Variants in RNF213 observed in about 807,000 individuals in gnomAD.
RNF213 encodes E3 ubiquitin-protein ligase RNF213.
RNF213 carries 341 observed loss-of-function variants against 514.4 expected under a neutral mutation model. The observed-to-expected ratio is 0.66, with a 90% CI of 0.61 to 0.73. RNF213 has a LOEUF of 0.73. Ranked by LOEUF, RNF213 falls within the 30% of genes least tolerant of loss-of-function variation. RNF213 has a pLI of 0.00. For missense variants in RNF213, 5,767 were observed against 6,615.6 expected (o/e 0.87, Z 4.45); for synonymous variants, 2,655 against 2,658.2 (o/e 1.00, Z 0.04).
chr17:80,389,914 C>G lies in RNF213; in HGVS notation c.15282C>G (p.His5094Gln). ...AGTCTGAACAGCTGCTGCGGCTGCACAAAGTAAGTCTGGTCTCTTCCTCTC... is the reference window on the plus strand; with the variant it reads ...AGTCTGAACAGCTGCTGCGGCTGCAGAAAGTAAGTCTGGTCTCTTCCTCTC... The part of the protein sequence containing the change: ...AHKSEQLLRL[H>Q]KEPFGEISSR... Residue 5094 changes from histidine (H) to glutamine (Q), a missense_variant, in exon 66 of 68, where the codon CAC becomes CAG. This residue lies in a region of RNF213 where 1,245 missense variants were observed against 1,339.0 expected (regional missense o/e 0.93). Transcript: ENST00000582970. 6.2e-7 allele frequency: 1 copy of G among 1,614,180 alleles called. No homozygotes were observed. The highest frequency in any genetic ancestry group is 8.5e-7 in the Non-Finnish European group (1 of 1,180,002).
chr17:80,382,933 G>C, intron 57 of RNF213, 46 bp from the exon 58 acceptor site: 1 of 1,212,558 alleles, frequency 8.2e-7, no homozygotes, highest in Non-Finnish European at 1.2e-6. Context: ...AGACTGCTGT[G>C]TTCTTTGTGC....
rs1284741249 is a variant in RNF213 at position 80,337,987 on chromosome 17, G to C, written c.4823G>C (p.Arg1608Thr). 1 of 1,537,306 alleles carries C rather than the reference G, an allele frequency of 6.5e-7. No individual in the cohort carries two copies. Among genetic ancestry groups the C allele is most frequent in the Non-Finnish European group, 8.7e-7 (1 of 1,146,920 alleles). Residue 1608 changes from arginine to threonine, a missense_variant, in exon 25 of 68, where the codon AGG becomes ACG. Transcript: ENST00000582970. ...GATCGTAACAACACGGAAGTGGAGA[G>C]GTTTTCAGAGGTGAGGGCGCATCTT... is the stretch of plus-strand genomic sequence containing the variant. ...KKDRNNTEVE[R>T]FSEVFCSVQR...
At position 80,264,231 on chromosome 17, in the gene RNF213, TAG is replaced by T. The variant is rs2043529891; in HGVS notation, c.97+458_97+459del. The stretch of plus-strand genomic sequence containing the variant: ...GTGTCGGGCTGAGCTGAGGGCTTCA[TAG>T]AGAGTTTCAGAGAATGCTGCAGGGA... On this transcript the variant is annotated intron_variant, in intron 2 of 67. Coordinates refer to ENST00000582970, the MANE Select transcript of RNF213 (RefSeq NM_001256071.3). This position sits in a 1 kb window ranked among gnomAD's most constrained non-coding sequence, Gnocchi z 5.0. 6.6e-6 allele frequency among the ~76,000 whole-genome samples: 1 copy of T among 152,168 alleles called. No homozygotes were observed. The highest frequency in any genetic ancestry group is 1.5e-5 in the Non-Finnish European group (1 of 68,028).
rs1195028217 is a variant in RNF213 at position 80,287,961 on chromosome 17, C to G, written c.408C>G (p.Ser136Arg). The change falls in exon 4 of 68, where the codon AGC becomes AGG. Residue 136 changes from serine (S) to arginine (R), a missense_variant. Ser to Arg is a moderately radical substitution (Grantham distance 110). This residue lies in a region of RNF213 where 509 missense variants were observed against 496.7 expected (regional missense o/e 1.02). Coordinates refer to ENST00000582970, the MANE Select transcript of RNF213 (RefSeq NM_001256071.3). The part of the protein sequence containing the change: ...PWPQDTALPH[S>R]QAQQSGPTGQ... Reference sequence around the variant, plus strand: ...CTCAGGACACAGCCCTGCCCCACAGCCAAGCCCAGCAGAGTGGCCCCACTG... The same window carrying G: ...CTCAGGACACAGCCCTGCCCCACAGGCAAGCCCAGCAGAGTGGCCCCACTG... 5 of 1,572,450 alleles carry G rather than the reference C, an allele frequency of 3.2e-6. No individual in the cohort carries two copies. In the African/African-American group the frequency reaches 5.4e-5, roughly 17 times the overall value.
rs1568169051 is a variant in RNF213, at chr17:80,385,635, C to T, written c.14539+14C>T. 3 of 1,609,320 alleles carry T rather than the reference C, an allele frequency of 1.9e-6. No individual in the cohort carries two copies. The highest frequency in any genetic ancestry group is 1.7e-6 in the Non-Finnish European group (2 of 1,175,696). On this transcript the variant is annotated intron_variant, in intron 61 of 67. Coordinates refer to ENST00000582970, the MANE Select transcript of RNF213 (RefSeq NM_001256071.3). The stretch of plus-strand genomic sequence containing the variant: ...TTGAGACGAACGGTTAGTATCCTGT[C>T]CCCTGTACCACTAAGCGTTCCAGGA...
chr17:80,307,964 T>A (rs2045431031), intron 13 of RNF213, among the ~76,000 whole-genome samples: 1 of 151,794 alleles, frequency 6.6e-6, no homozygotes, highest in Non-Finnish European at 1.5e-5. Flanking sequence ...TACTTGTAAA[T>A]AGTCATGATA....
chr17:80,392,372 G>A (rs2080508991), intron 67 of RNF213, among the ~76,000 whole-genome samples: 1 of 152,146 alleles, frequency 6.6e-6, no homozygotes. Flanking sequence ...AGAATACAAG[G>A]TTTTTTGAAT....
At chr17:80,372,082 G>A (rs2079538936) in intron 47 of RNF213, 97 bp downstream of exon 47, 1 of 779,732 alleles carries the variant, frequency 1.3e-6, no homozygotes, top group Non-Finnish European at 2.3e-6. Context: ...TATAATTAAC[G>A]AATGCTCTGT....
At position 80,354,804 on chromosome 17, in the gene RNF213, T is replaced by G. The variant is rs974642929; in HGVS notation, c.10862+228T>G. ...CCTCTAATTTCGTGTTTACAGTTTTTCATACTAAAAACTTAAAAAAAGTAA... is the reference window on the plus strand; with the variant it reads ...CCTCTAATTTCGTGTTTACAGTTTTGCATACTAAAAACTTAAAAAAAGTAA... On this transcript the variant is annotated intron_variant, in intron 36 of 67. Transcript: ENST00000582970. 6.7e-6 allele frequency: 4 copies of G among 592,898 alleles called. No individual in the cohort carries two copies. The African/African-American group carries it at 7.5e-5, about 11-fold the overall frequency. The allele number at this position is 592,898 out of a possible 1,614,324, so 36.7% of individuals were successfully genotyped here.
At chr17:80,339,087 A>C in intron 25 of RNF213, 114 bp from the exon 26 acceptor site, 1 of 789,720 alleles carries the variant, frequency 1.3e-6, no homozygotes, top group Non-Finnish European at 1.9e-6. Context: ...CAGATCATGC[A>C]GTGGGCCTGT....
intron 1 of RNF213, among the ~76,000 whole-genome samples, chr17:80,262,564 GC>G (rs2043462726): frequency 6.6e-6 from 1 of 152,184 alleles, no homozygotes; most frequent in African/African-American, 2.4e-5. Context: ...AGATAATGGG[GC>G]CTCAGAGAGA....
intron 14 of RNF213, among the ~76,000 whole-genome samples, chr17:80,311,727 G>A (rs544351418): frequency 5.8e-4 from 88 of 152,334 alleles, no homozygotes; most frequent in African/African-American, 2.0e-3. Context: ...TTGCCCAGCT[G>A]CCTCGAGGCG....
intron 22 of RNF213, 147 bp from the exon 23 acceptor site, chr17:80,336,014 C>T (rs539838628): frequency 2.2e-5 from 14 of 636,858 alleles, no homozygotes; most frequent in South Asian, 1.4e-4. Context: ...TTAGGTGTTC[C>T]GGACTCTTAC....
Position 80,365,627 on chromosome 17 carries a change from A to T in RNF213, c.11871+1074A>T, listed in dbSNP as rs2079236209. Among the ~76,000 whole-genome samples, 5 of 152,190 alleles carry T rather than the reference A, an allele frequency of 3.3e-5. No homozygotes were observed. The South Asian group carries it at 1.0e-3, about 31-fold the overall frequency. ...AGGCACTCGGCCTTATCTGGTTGCAAGAAACTGAGGAGTTTTTCGTGGCAT... is the reference window on the plus strand; with the variant it reads ...AGGCACTCGGCCTTATCTGGTTGCATGAAACTGAGGAGTTTTTCGTGGCAT... On this transcript the variant is annotated intron_variant, in intron 42 of 67. Coordinates refer to ENST00000582970, the MANE Select transcript of RNF213 (RefSeq NM_001256071.3).
chr17:80,326,229 A>G (rs78676934), intron 18 of RNF213, among the ~76,000 whole-genome samples: 1 of 152,236 alleles, frequency 6.6e-6, no homozygotes, highest in Non-Finnish European at 1.5e-5. Context: ...GGCTCACGTG[A>G]TCCTCCTGCC....
chr17:80,344,529 T>TG (rs34984379), intron 28 of RNF213, 149 bp from the exon 29 acceptor site: 3 of 878,530 alleles, frequency 3.4e-6, no homozygotes. Flanking sequence ...AGATATGCTG[T>TG]GGAAAAAAAG....
At chr17:80,272,843 C>A (rs2043870158) in intron 2 of RNF213, among the ~76,000 whole-genome samples, 1 of 152,166 alleles carries the variant, frequency 6.6e-6, no homozygotes, top group Non-Finnish European at 1.5e-5. Flanking sequence ...TGGGCCGCCA[C>A]TGGGAGAATG....
At position 80,291,702 on chromosome 17, in the gene RNF213, C is replaced by G. The variant is rs760849479; in HGVS notation, c.1346C>G (p.Pro449Arg). Residue 449 changes from proline to arginine, a missense_variant, in exon 8 of 68, where the codon CCT (proline) becomes CGT (arginine). By Grantham distance (103) the Pro-to-Arg change is moderately radical. Around this residue, in one of 13 missense-constraint regions of RNF213, gnomAD observed 592 missense variants for 673.9 expected, o/e 0.88. Coordinates refer to ENST00000582970, the MANE Select transcript of RNF213 (RefSeq NM_001256071.3). ...ISKKHLDKYI[P>R]YKYVIYNGES... ...AAGAAGCACCTAGATAAATACATTC[C>G]TTACAAGTACGTCATTTATAATGGG... The G allele has an allele frequency of 6.2e-7, 1 of 1,614,208 alleles. No homozygotes were observed. The highest frequency in any genetic ancestry group is 2.2e-5 in the East Asian group (1 of 44,884).
chr17:80,349,386 G>C lies in RNF213; in HGVS notation c.9952-384G>C, dbSNP rs199835842. ...GACAGGAGAATTGCTGACATCTGGG[G>C]GAAGGGGACAGCACCAACCACGAAC... On this transcript the variant is annotated intron_variant, in intron 29 of 67. Transcript: ENST00000582970. 1.2e-4 allele frequency among the ~76,000 whole-genome samples: 19 copies of C among 152,258 alleles called. 1 individual carries two copies. In the East Asian group the frequency reaches 2.5e-3, roughly 20 times the overall value.
Sources: allele counts gnomAD v4.1 joint callset (sites outside exome capture counted in the v4.1 genomes callset), GRCh38; gene constraint gnomAD v4.1.1; regional missense constraint gnomAD v4.1.1; non-coding constraint Gnocchi (gnomAD v3.1); transcripts MANE v1.5; gene names NCBI Gene and HGNC (gene_info 2026-07-23, HGNC 2026-07-21).